KCTD14: variants seen among roughly 807,000 people sequenced by gnomAD.
The protein encoded by KCTD14 is BTB/POZ domain-containing protein KCTD14.
KCTD14 carries 7 observed loss-of-function variants against 5.9 expected under a neutral mutation model. That is an observed-to-expected ratio of 1.19 (90% CI 0.68 to 2.23). The LOEUF is 2.23. Among genes scored for constraint, KCTD14 ranks in the 30% most tolerant of loss-of-function variants. The probability of loss-of-function intolerance (pLI) is 0.00; values close to 1 mark genes in which losing one functional copy is unlikely to be tolerated. For missense variants in KCTD14, 342 were observed against 332.2 expected, an observed-to-expected ratio of 1.03 and a Z score of -0.23; for synonymous variants, 140 against 133.1, an observed-to-expected ratio of 1.05 and a Z score of -0.36.
chr11:78,022,365 G>C (rs564074920), intron 1 of KCTD14, among the ~76,000 whole-genome samples: 1 of 152,166 alleles, frequency 6.6e-6, no homozygotes, highest in East Asian at 1.9e-4. Context: ...GCCCTACCTG[G>C]CATCATGCAC....
intron 1 of KCTD14, among the ~76,000 whole-genome samples, chr11:78,042,564 G>T (rs538462599): frequency 6.6e-6 from 1 of 152,246 alleles, no homozygotes; most frequent in Admixed American, 6.5e-5. Flanking sequence ...TATGCGCTTT[G>T]AACGAGATTG....
At chr11:78,040,190 A>G (rs955536953) in intron 1 of KCTD14, among the ~76,000 whole-genome samples, 4 of 152,204 alleles carry the variant, frequency 2.6e-5, no homozygotes, top group African/African-American at 9.6e-5. Context: ...AACCAAGCCA[A>G]GGCTGCCCCC....
chr11:78,022,961 C>T (rs11237361), intron 1 of KCTD14, 199 bp downstream of exon 1: 198,184 of 547,982 alleles, frequency 0.36, 37,457 homozygotes, highest in South Asian at 0.42. Context: ...CACCGAGGCG[C>T]GAAAGGAGAG....
chr11:78,043,676 C>T (rs1035696786), intron 1 of KCTD14, among the ~76,000 whole-genome samples: 1 of 152,062 alleles, frequency 6.6e-6, no homozygotes, highest in South Asian at 2.1e-4. Flanking sequence ...TCTTCTAAGA[C>T]CAAAAGGTGT....
At chr11:78,024,058 G>A (rs1398304646), upstream of KCTD14, among the ~76,000 whole-genome samples, 1 of 152,110 alleles carries the variant, frequency 6.6e-6, no homozygotes, top group African/African-American at 2.4e-5. Context: ...ATGCATCAGA[G>A]GCAAATATTT....
intron 2 of KCTD14, among the ~76,000 whole-genome samples, chr11:78,038,286 T>C (rs1380029430): frequency 1.3e-5 from 2 of 152,222 alleles, no homozygotes; most frequent in African/African-American, 4.8e-5. Context: ...CATAGGCCTT[T>C]CCCTGGTCCA....
Position 78,016,528 on chromosome 11 carries a change from C to T in KCTD14, c.*65G>A. On this transcript the variant is annotated 3_prime_UTR_variant, in exon 2 of 2. Coordinates refer to ENST00000353172, the MANE Select transcript of KCTD14 (RefSeq NM_023930.4). ...TGTTTGTGAAATTAAAAGAAAATGGCTTTGATGGCAACTTTTAATTTCATA... is the reference window on the plus strand; with the variant it reads ...TGTTTGTGAAATTAAAAGAAAATGGTTTTGATGGCAACTTTTAATTTCATA... 3.5e-6 allele frequency: 5 copies of T among 1,423,394 alleles called. No homozygotes were observed. The highest frequency in any genetic ancestry group is 4.8e-6 in the Non-Finnish European group (5 of 1,040,336). The allele number at this position is 1,423,394 out of a possible 1,614,324, so 88.2% of individuals were successfully genotyped here.
intron 1 of KCTD14, among the ~76,000 whole-genome samples, chr11:78,021,297 CAAAAAAAAAAAAAAAAAAAA>C (rs531185817): frequency 1.2e-5 from 1 of 85,188 alleles, no homozygotes; most frequent in Non-Finnish European, 2.3e-5. Context: ...GACCCTGTCT[CAAAAAAAAAAAAAAAAAAAA>C]AAAAAAAAAA....
Position 78,046,157 on chromosome 11 carries a change from A to T in KCTD14, c.-192T>A, listed in dbSNP as rs1218633915. On this transcript the variant is annotated 5_prime_UTR_variant, in exon 1 of 3. Coordinates refer to the KCTD14 transcript ENST00000533144. The stretch of plus-strand genomic sequence containing the variant: ...AAGGAGTCCACAGAATCAGTTCGCA[A>T]GGGCAGGAGCAGGAAAGAAAGAGAT... 6 of 984,742 alleles carry T rather than the reference A, an allele frequency of 6.1e-6. No individual in the cohort carries two copies. In the African/African-American group the frequency reaches 7.0e-5, roughly 11 times the overall value. The allele number at this position is 984,742 out of a possible 1,614,324, so 61.0% of individuals were successfully genotyped here.
At chr11:78,027,340 C>G (rs1857495162), upstream of KCTD14, among the ~76,000 whole-genome samples, 1 of 150,030 alleles carries the variant, frequency 6.7e-6, no homozygotes, top group South Asian at 2.1e-4. Context: ...GGGGACCAAC[C>G]TGGGCAGCAT....
At chr11:78,044,736 A>G (rs948820804) in intron 1 of KCTD14, among the ~76,000 whole-genome samples, 8 of 152,108 alleles carry the variant, frequency 5.3e-5, no homozygotes, top group African/African-American at 1.9e-4. Flanking sequence ...GCAGGAGTGA[A>G]AGTTTATTAA....
At chr11:78,017,834 C>T (rs544045754) in intron 1 of KCTD14, among the ~76,000 whole-genome samples, 8 of 152,216 alleles carry the variant, frequency 5.3e-5, no homozygotes, top group African/African-American at 1.9e-4. Flanking sequence ...CGGTGGCTCA[C>T]GCCTGTAATC....
chr11:78,038,132 A>G (rs944258346), intron 2 of KCTD14, among the ~76,000 whole-genome samples: 2 of 152,008 alleles, frequency 1.3e-5, no homozygotes, highest in African/African-American at 4.8e-5. Context: ...TTCCCATGTA[A>G]GGGTTTCTGA....
chr11:78,017,529 C>G (rs1006993859), intron 1 of KCTD14, among the ~76,000 whole-genome samples: 4 of 151,044 alleles, frequency 2.6e-5, no homozygotes, highest in Non-Finnish European at 4.4e-5. Flanking sequence ...CTCACTGCAA[C>G]TTCCACCTCG....
chr11:78,026,934 A>G (rs1857482173), upstream of KCTD14, among the ~76,000 whole-genome samples: 1 of 151,860 alleles, frequency 6.6e-6, no homozygotes, highest in Admixed American at 6.6e-5. Context: ...CCCCAATTCT[A>G]CTAAAAGTAC....
chr11:78,034,975 A>C (rs1188740718), intron 2 of KCTD14, among the ~76,000 whole-genome samples: 1 of 152,182 alleles, frequency 6.6e-6, no homozygotes, highest in East Asian at 1.9e-4. Context: ...GTTAACCTAC[A>C]AAGGAACATA....
At position 78,015,782 on chromosome 11, in the gene KCTD14, A is replaced by G. The variant is rs1304362522; in HGVS notation, c.*811T>C. ...GGGAGTGAGGGAAGCAGCGTAGGAC[A>G]GAGGAAAAAAACTGAGTAAGAATGT... On this transcript the variant is annotated 3_prime_UTR_variant, in exon 2 of 2. Coordinates refer to ENST00000353172, the MANE Select transcript of KCTD14 (RefSeq NM_023930.4). 6.6e-6 allele frequency: 1 copy of G among 152,256 alleles called. No homozygotes were observed. The highest frequency in any genetic ancestry group is 1.5e-5 in the Non-Finnish European group (1 of 68,078). 9.4% of individuals were successfully genotyped at this position (152,256 alleles called of 1,614,324 possible).
chr11:78,022,897 G>A (rs1857342937), intron 1 of KCTD14: 1 of 472,362 alleles, frequency 2.1e-6, no homozygotes, highest in South Asian at 3.5e-5. Context: ...AATGTAGAGG[G>A]AGGAAGCAAA....
In KCTD14 at chr11:78,016,439, AG is replaced by A. The variant is rs1339181674; in HGVS notation, c.*153del. On this transcript the variant is annotated 3_prime_UTR_variant, in exon 2 of 2. Transcript: ENST00000353172. ...TGGCATCAGTTGCAATGGAGTGGAA[AG>A]TCCTTAAACGAGTGATCAATATTTA... 1.5e-5 allele frequency: 10 copies of A among 650,684 alleles called. No individual in the cohort carries two copies. Among genetic ancestry groups the A allele is most frequent in the Non-Finnish European group, 2.4e-5 (9 of 382,652 alleles). 40.3% of individuals were successfully genotyped at this position (650,684 alleles called of 1,614,324 possible).
Sources: allele counts gnomAD v4.1 joint callset (sites outside exome capture counted in the v4.1 genomes callset), GRCh38; gene constraint gnomAD v4.1.1; transcripts MANE v1.5; gene names NCBI Gene and HGNC (gene_info 2026-07-23, HGNC 2026-07-21).